Variants in CNTNAP3 observed in about 807,000 individuals in gnomAD.
The protein encoded by CNTNAP3 is contactin-associated protein-like 3.
In CNTNAP3, 36 loss-of-function variants were observed where a neutral mutation model predicts 92.1. The ratio of observed to expected loss-of-function variants is 0.39; its 90% CI spans 0.30 to 0.52. CNTNAP3 has a LOEUF of 0.52. Among genes scored for constraint, CNTNAP3 ranks in the 20% least tolerant of loss-of-function variants. The probability of loss-of-function intolerance (pLI) is 0.76; values close to 1 mark genes in which losing one functional copy is unlikely to be tolerated. For missense variants in CNTNAP3, 534 were observed against 1,069.6 expected (o/e 0.50, Z 6.98); for synonymous variants, 232 against 422.3 (o/e 0.55, Z 5.53).
chr9:39,104,481 C>CACAT (rs2117876142), intron 15 of CNTNAP3, among the ~76,000 whole-genome samples: 1 of 106,812 alleles, frequency 9.4e-6, no homozygotes, highest in East Asian at 2.8e-4. Flanking sequence ...TACACATACA[C>CACAT]ACACACACAC....
rs1246416298 is a variant in CNTNAP3 at position 39,070,181 on chromosome 9, A to G, written c.*3709T>C. Among the ~76,000 whole-genome samples the G allele has an allele frequency of 8.2e-6, 1 of 122,386 alleles. No individual in the cohort carries two copies. Among genetic ancestry groups the G allele is most frequent in the Non-Finnish European group, 1.6e-5 (1 of 60,618 alleles). The allele number at this position is 122,386 out of a possible 152,430, so 80.3% of individuals were successfully genotyped here. A position where few individuals can be genotyped will look rare whatever the true frequency, so the allele number is the denominator to read the frequency against. On this transcript the variant is annotated 3_prime_UTR_variant, in exon 24 of 24. Coordinates refer to ENST00000297668, the MANE Select transcript of CNTNAP3 (RefSeq NM_033655.5). ...AAGAAATTAATGTTTTATTAAAGAA[A>G]AAAGCCATCAAAATCAATTTTCCAT... is the stretch of plus-strand genomic sequence containing the variant.
chr9:39,104,397 G>A (rs1826544890), intron 15 of CNTNAP3, among the ~76,000 whole-genome samples: 2 of 151,572 alleles, frequency 1.3e-5, no homozygotes, highest in African/African-American at 4.8e-5. Context: ...GCATCCAAGT[G>A]GAGATTTGAA....
Position 39,067,238 on chromosome 9 carries a change from G to A in CNTNAP3, c.*6652C>T, listed in dbSNP as rs1296848797. Among the ~76,000 whole-genome samples, 1 of 152,428 alleles carries A rather than the reference G, an allele frequency of 6.6e-6. No individual in the cohort carries two copies. The highest frequency in any genetic ancestry group is 1.9e-4 in the East Asian group (1 of 5,194). ...GTCACATCCTAATCTTTGAAAATAC[G>A]GAATATAGTCATAATATTTTTCATT... On this transcript the variant is annotated 3_prime_UTR_variant, in exon 24 of 24. Coordinates refer to ENST00000297668, the MANE Select transcript of CNTNAP3 (RefSeq NM_033655.5).
chr9:39,114,445 T>A (rs1488465428), intron 14 of CNTNAP3, among the ~76,000 whole-genome samples: 1 of 152,142 alleles, frequency 6.6e-6, no homozygotes, highest in Non-Finnish European at 1.5e-5. Flanking sequence ...ATCTTTCTAG[T>A]GAGTTTATCT....
chr9:39,104,226 C>G (rs1436534431), intron 15 of CNTNAP3, among the ~76,000 whole-genome samples: 1 of 151,974 alleles, frequency 6.6e-6, no homozygotes, highest in Non-Finnish European at 1.5e-5. Flanking sequence ...AAAGGTACGA[C>G]CAACAGAACT....
At position 39,072,894 on chromosome 9, in the gene CNTNAP3, T is replaced by C. The variant is rs1825659389; in HGVS notation, c.*996A>G. ...AATGAATGATAAAGAAAAACAGATA[T>C]GACCTCTCAATATCTTGGGGAAGTA... On this transcript the variant is annotated 3_prime_UTR_variant, in exon 24 of 24. Coordinates refer to ENST00000297668, the MANE Select transcript of CNTNAP3 (RefSeq NM_033655.5). 1 of 153,114 alleles carries C rather than the reference T, an allele frequency of 6.5e-6. No homozygotes were observed. Among genetic ancestry groups the C allele is most frequent in the African/African-American group, 2.4e-5 (1 of 41,502 alleles). The allele number at this position is 153,114 out of a possible 1,614,324, so 9.5% of individuals were successfully genotyped here.
intron 2 of CNTNAP3, among the ~76,000 whole-genome samples, chr9:39,255,604 G>A (rs1822838558): frequency 1.5e-5 from 1 of 67,062 alleles, no homozygotes; most frequent in African/African-American, 3.1e-5. Context: ...TTTAATTATG[G>A]TAATACACAT....
At chr9:39,084,875 T>C (rs1293392102) in intron 21 of CNTNAP3, 1 of 151,578 alleles carries the variant, frequency 6.6e-6, no homozygotes, top group Non-Finnish European at 1.5e-5. Flanking sequence ...CTTCTGAGTA[T>C]ATACTTCATT....
rs549594360 is a variant in CNTNAP3, at chr9:39,109,400, T to C, written c.2238-113A>G. The C allele has an allele frequency of 3.7e-3, 5,431 of 1,482,876 alleles. 16 individuals are homozygous for C. The highest frequency in any genetic ancestry group is 7.2e-3 in the Middle Eastern group (29 of 4,036). 91.9% of individuals were successfully genotyped at this position (1,482,876 alleles called of 1,614,324 possible). ...AACATCATAGAGCTTAACAGAATAC[T>C]TAACATTTTCAATATTTTGAGAGCA... is the stretch of plus-strand genomic sequence containing the variant. On this transcript the variant is annotated intron_variant, in intron 14 of 23. Coordinates refer to ENST00000297668, the MANE Select transcript of CNTNAP3 (RefSeq NM_033655.5).
At chr9:39,150,207 T>C (rs1821811170) in intron 9 of CNTNAP3, among the ~76,000 whole-genome samples, 1 of 151,790 alleles carries the variant, frequency 6.6e-6, no homozygotes, top group Non-Finnish European at 1.5e-5. Flanking sequence ...AGATCTAAAA[T>C]TCCTATAACA....
At chr9:39,127,046 T>C (rs1479035620) in intron 13 of CNTNAP3, among the ~76,000 whole-genome samples, 1 of 151,372 alleles carries the variant, frequency 6.6e-6, no homozygotes, top group Non-Finnish European at 1.5e-5. Context: ...AGAACTAAAA[T>C]CATACAAAGT....
chr9:39,132,975 C>T lies in CNTNAP3; in HGVS notation c.2037G>A (p.Arg679=). Residue 679 remains arginine (R), a synonymous_variant, in exon 13 of 24, where the codon CGG becomes CGA. Transcript: ENST00000297668. ...AVNLAERCEQ[R]LALRCGTARR... ...GCGCCGTCCCGCAGCGCAGAGCCAGCCGCTGCTCGCAGCGCTCCGCCAGGT... is the reference window on the plus strand; with the variant it reads ...GCGCCGTCCCGCAGCGCAGAGCCAGTCGCTGCTCGCAGCGCTCCGCCAGGT... The T allele has an allele frequency of 6.5e-7, 1 of 1,545,272 alleles. No homozygotes were observed.
intron 15 of CNTNAP3, among the ~76,000 whole-genome samples, chr9:39,106,247 T>C (rs1293907769): frequency 6.6e-6 from 1 of 152,190 alleles, no homozygotes; most frequent in East Asian, 1.9e-4. Flanking sequence ...CTACAAGTTT[T>C]ACAGAAGAGA....
rs60137174 is a variant in CNTNAP3 at position 39,136,130 on chromosome 9, A to AAATAAT, written c.1877-3001_1877-2996dup. Among the ~76,000 whole-genome samples the AAATAAT allele has an allele frequency of 8.5e-3, 1,230 of 144,892 alleles. 5 individuals carry two copies. The highest frequency in any genetic ancestry group is 0.016 in the African/African-American group (614 of 39,036). On this transcript the variant is annotated intron_variant, in intron 12 of 23. Transcript: ENST00000297668. Reference sequence around the variant, plus strand: ...GGTGACAGAGCAAGCCTCTGTCTCAAAATAATAATAATAATAATAATAATA... The same window carrying AAATAAT: ...GGTGACAGAGCAAGCCTCTGTCTCAAAATAATAATAATAATAATAATAATAATAATA...
intron 4 of CNTNAP3, among the ~76,000 whole-genome samples, chr9:39,179,600 AAAT>A (rs773695481): frequency 6.7e-4 from 5 of 7,462 alleles, no homozygotes; most frequent in Admixed American, 1.4e-3. Context: ...CAGTAATATA[AAAT>A]AATATTTGAT....
intron 12 of CNTNAP3, among the ~76,000 whole-genome samples, chr9:39,137,538 A>T (rs1307551928): frequency 6.6e-6 from 1 of 151,912 alleles, no homozygotes; most frequent in Non-Finnish European, 1.5e-5. Flanking sequence ...TTTGAGACAA[A>T]GTCTTGCTCT....
intron 15 of CNTNAP3, among the ~76,000 whole-genome samples, chr9:39,104,743 T>C (rs1485656871): frequency 6.6e-6 from 1 of 152,094 alleles, no homozygotes. Flanking sequence ...CAACTTGGAT[T>C]TGTCTGACAT....
At chr9:39,134,720 G>A (rs1272938507) in intron 12 of CNTNAP3, among the ~76,000 whole-genome samples, 5 of 152,136 alleles carry the variant, frequency 3.3e-5, no homozygotes, top group East Asian at 1.9e-4. Flanking sequence ...GAGCCACCAC[G>A]CCTGGCCTCA....
intron 13 of CNTNAP3, among the ~76,000 whole-genome samples, chr9:39,122,062 A>G (rs1821037474): frequency 6.6e-6 from 1 of 152,168 alleles, no homozygotes; most frequent in Admixed American, 6.5e-5. Flanking sequence ...CTAAGAGTAC[A>G]GGATGCTTCT....
Sources: allele counts gnomAD v4.1 joint callset (sites outside exome capture counted in the v4.1 genomes callset), GRCh38; gene constraint gnomAD v4.1.1; transcripts MANE v1.5; gene names NCBI Gene and HGNC (gene_info 2026-07-23, HGNC 2026-07-21).